Variants in RELCH observed in about 807,000 individuals in gnomAD.
RELCH encodes RAB11-binding protein RELCH.
A neutral mutation model predicts 150.3 loss-of-function variants in RELCH; 41 were observed. The ratio of observed to expected loss-of-function variants is 0.27; its 90% CI spans 0.21 to 0.35. RELCH has a LOEUF of 0.35. RELCH is among the 10% of genes least tolerant of loss of function. The pLI, the probability that RELCH is intolerant of heterozygous loss-of-function variation, is 1.00. For synonymous variants in RELCH, 478 were observed against 531.8 expected, an observed-to-expected ratio of 0.90 and a Z score of 1.39; for missense variants, 1,092 against 1,467.8, an observed-to-expected ratio of 0.74 and a Z score of 4.18.
At position 62,282,444 on chromosome 18, in the gene RELCH, T is replaced by G. The variant is rs760494726; in HGVS notation, c.3253T>G (p.Phe1085Val). The G allele has an allele frequency of 1.2e-6, 2 of 1,610,872 alleles. No individual in the cohort carries two copies. Among genetic ancestry groups the G allele is most frequent in the South Asian group, 1.1e-5 (1 of 90,504 alleles). Reference protein sequence around the residue: ...PNAEPRFRDEFVIPHLHKLAL... With the variant: ...PNAEPRFRDEVVIPHLHKLAL... ...CGCAGAACCCAGGTTCCGAGATGAG[T>G]GTAAGTTGCATTTTTCTACCTTTTT... The change falls in exon 25 of 29, where the codon TTT becomes GTT. Residue 1085 changes from phenylalanine to valine, a missense_variant and splice_region_variant. Physicochemically the swap from Phe to Val is conservative, Grantham distance 50. Coordinates refer to ENST00000644646, the MANE Select transcript of RELCH (RefSeq NM_001346231.2).
At chr18:62,196,396 A>G (rs1442254258) in intron 1 of RELCH, among the ~76,000 whole-genome samples, 1 of 151,970 alleles carries the variant, frequency 6.6e-6, no homozygotes, top group African/African-American at 2.4e-5. Flanking sequence ...CACCTGGCTA[A>G]TTTTTGTATT....
At position 62,188,982 on chromosome 18, in the gene RELCH, AT is replaced by A. The variant is rs966912351; in HGVS notation, c.526+960del. Among the ~76,000 whole-genome samples, 68 of 151,698 alleles carry A rather than the reference AT, an allele frequency of 4.5e-4. 1 individual carries two copies. Among genetic ancestry groups the A allele is most frequent in the African/African-American group, 1.4e-3 (60 of 41,384 alleles). ...GAATTTTTAAACTGCAGCCTAATTG[AT>A]TTTTTTTTAATCACTATGCTTTTGA... On this transcript the variant is annotated intron_variant, in intron 1 of 28. Transcript: ENST00000644646.
intron 18 of RELCH, among the ~76,000 whole-genome samples, chr18:62,265,984 A>C (rs1255378538): frequency 6.6e-6 from 1 of 151,886 alleles, no homozygotes; most frequent in African/African-American, 2.4e-5. Context: ...ATATAATTTG[A>C]TTTTCCTGTT....
chr18:62,200,609 T>C (rs1258089751), intron 1 of RELCH, among the ~76,000 whole-genome samples: 1 of 151,626 alleles, frequency 6.6e-6, no homozygotes, highest in African/African-American at 2.4e-5. Flanking sequence ...TCCTGGTCTA[T>C]CCAGAAATTA....
rs1324458994 is a variant in RELCH at position 62,307,424 on chromosome 18, CTTAA to C, written c.*1896_*1899del. The C allele has an allele frequency of 4.6e-5, 7 of 151,966 alleles. No individual in the cohort carries two copies. The highest frequency in any genetic ancestry group is 7.2e-5 in the African/African-American group (3 of 41,484). The allele number at this position is 151,966 out of a possible 1,614,324, so 9.4% of individuals were successfully genotyped here. ...ATGTATTTTTATTGTGAACATTTTT[CTTAA>C]TTAATGAATATATTTATTTAAGTGC... On this transcript the variant is annotated 3_prime_UTR_variant, in exon 29 of 29. Transcript: ENST00000644646.
chr18:62,231,287 T>C lies in RELCH; in HGVS notation c.1524+18T>C, dbSNP rs1274884730. On this transcript the variant is annotated intron_variant, in intron 9 of 28. Coordinates refer to ENST00000644646, the MANE Select transcript of RELCH (RefSeq NM_001346231.2). ...GATACGAGGTAAATTATACCACCTA[T>C]TTCCACAACTTTTTAAAAACATTCT... The C allele has an allele frequency of 2.7e-6, 4 of 1,474,990 alleles. No homozygotes were observed. The highest frequency in any genetic ancestry group is 2.4e-5 in the South Asian group (2 of 84,744). 91.4% of individuals were successfully genotyped at this position (1,474,990 alleles called of 1,614,324 possible). A position where few individuals can be genotyped will look rare whatever the true frequency, so the allele number is the denominator to read the frequency against.
At position 62,275,526 on chromosome 18, in the gene RELCH, T is replaced by G. The variant is rs867452236; in HGVS notation, c.2967+53T>G. On this transcript the variant is annotated intron_variant, in intron 22 of 28. Transcript: ENST00000644646. ...TCAATTATAATGATTTTTTTTTTTT[T>G]GCGAAGAAGAAGGGAATTTTTTTTA... The G allele has an allele frequency of 2.7e-6, 3 of 1,127,620 alleles. No individual in the cohort carries two copies. The South Asian group carries it at 3.9e-5, about 15-fold the overall frequency. 69.9% of individuals were successfully genotyped at this position (1,127,620 alleles called of 1,614,324 possible).
rs1171517482 is a variant in RELCH, at chr18:62,270,806, C to T, written c.2760+1858C>T. The stretch of plus-strand genomic sequence containing the variant: ...CTGTTCCTCCCCCTGCCCCCCACCC[C>T]ACAACAGGCCTCGGGGTGTGATGTT... On this transcript the variant is annotated intron_variant, in intron 20 of 28. Transcript: ENST00000644646. Among the ~76,000 whole-genome samples the T allele has an allele frequency of 3.3e-5, 5 of 152,122 alleles. No homozygotes were observed. In the East Asian group the frequency reaches 9.7e-4, roughly 29 times the overall value.
At chr18:62,212,529 T>A (rs1233626265) in intron 2 of RELCH, among the ~76,000 whole-genome samples, 2 of 152,244 alleles carry the variant, frequency 1.3e-5, no homozygotes, top group African/African-American at 2.4e-5. Flanking sequence ...ACAAGTTTTT[T>A]AAAACATACC....
At chr18:62,273,518 G>T (rs1057466717) in intron 20 of RELCH, among the ~76,000 whole-genome samples, 1 of 152,018 alleles carries the variant, frequency 6.6e-6, no homozygotes, top group Admixed American at 6.6e-5. Context: ...ACAAAAATTC[G>T]TAAGGTAAAT....
intron 1 of RELCH, among the ~76,000 whole-genome samples, chr18:62,201,195 G>C (rs777556186): frequency 6.6e-6 from 1 of 151,724 alleles, no homozygotes; most frequent in Admixed American, 6.6e-5. Flanking sequence ...GGATGGTCTC[G>C]ATCTCCTGAC....
intron 19 of RELCH, among the ~76,000 whole-genome samples, chr18:62,267,466 T>C (rs1487426754): frequency 7.0e-6 from 1 of 142,766 alleles, no homozygotes; most frequent in African/African-American, 2.6e-5. Context: ...ATAGAATATA[T>C]ATATAGTCTA....
intron 2 of RELCH, among the ~76,000 whole-genome samples, chr18:62,215,741 A>G (rs2148338272): frequency 1.3e-5 from 2 of 152,292 alleles, no homozygotes; most frequent in Middle Eastern, 3.4e-3. Context: ...AGTAAGGGGC[A>G]TGATCAGGAT....
intron 11 of RELCH, 23 bp from the exon 12 acceptor site, chr18:62,252,640 GC>G: frequency 1.3e-6 from 2 of 1,595,178 alleles, no homozygotes; most frequent in Non-Finnish European, 1.7e-6. Flanking sequence ...GCAAATACAA[GC>G]CGTTTTTTAT....
intron 16 of RELCH, among the ~76,000 whole-genome samples, chr18:62,261,901 C>G (rs2043291318): frequency 6.6e-6 from 1 of 151,912 alleles, no homozygotes; most frequent in African/African-American, 2.4e-5. Context: ...TGCTCTTAAT[C>G]TATAGCCTTT....
chr18:62,269,422 T>G (rs1178201722), intron 20 of RELCH: 2 of 432,084 alleles, frequency 4.6e-6, no homozygotes, highest in Admixed American at 5.3e-5. Context: ...TAAAGGAGTA[T>G]TTGCATATAC....
At chr18:62,269,123 A>T (rs2144782817) in intron 20 of RELCH, among the ~76,000 whole-genome samples, 175 bp downstream of exon 20, 1 of 152,294 alleles carries the variant, frequency 6.6e-6, no homozygotes, top group East Asian at 1.9e-4. Context: ...GCCTGAGTAA[A>T]ACCTCAGTTG....
rs2045961560 is a variant in RELCH, at chr18:62,309,817, T to C, written c.*4283T>C. ...CATGAATAGATTTCTGGAGGGACTTTAATGTAGTAAAATATATGTAGTTTA... is the reference window on the plus strand; with the variant it reads ...CATGAATAGATTTCTGGAGGGACTTCAATGTAGTAAAATATATGTAGTTTA... On this transcript the variant is annotated 3_prime_UTR_variant, in exon 29 of 29. Coordinates refer to ENST00000644646, the MANE Select transcript of RELCH (RefSeq NM_001346231.2). 6.6e-6 allele frequency: 1 copy of C among 152,222 alleles called. No individual in the cohort carries two copies. The highest frequency in any genetic ancestry group is 2.4e-5 in the African/African-American group (1 of 41,454). 9.4% of individuals were successfully genotyped at this position (152,222 alleles called of 1,614,324 possible). A position where few individuals can be genotyped will look rare whatever the true frequency, so the allele number is the denominator to read the frequency against.
rs1262041926 is a variant in RELCH at position 62,309,889 on chromosome 18, C to T, written c.*4355C>T. ...GTGTTATGTATATTAAATTCTTGGT[C>T]AGTGATCTTTTTAGGGTGTCATTTG... On this transcript the variant is annotated 3_prime_UTR_variant, in exon 29 of 29. Transcript: ENST00000644646. 1 of 152,106 alleles carries T rather than the reference C, an allele frequency of 6.6e-6. No individual in the cohort carries two copies. Among genetic ancestry groups the T allele is most frequent in the Non-Finnish European group, 1.5e-5 (1 of 68,028 alleles). The allele number at this position is 152,106 out of a possible 1,614,324, so 9.4% of individuals were successfully genotyped here.
Sources: allele counts gnomAD v4.1 joint callset (sites outside exome capture counted in the v4.1 genomes callset), GRCh38; gene constraint gnomAD v4.1.1; transcripts MANE v1.5; gene names NCBI Gene and HGNC (gene_info 2026-07-23, HGNC 2026-07-21).